Variants in CPNE8 observed in about 807,000 individuals in gnomAD.
The protein encoded by CPNE8 is copine-8.
CPNE8 carries 45 observed loss-of-function variants against 81.5 expected under a neutral mutation model. The ratio of observed to expected loss-of-function variants is 0.55; its 90% CI spans 0.44 to 0.71. The LOEUF is 0.71. Ranked by LOEUF, CPNE8 falls within the 30% of genes least tolerant of loss-of-function variation. The probability of loss-of-function intolerance (pLI) is 0.00; values close to 1 mark genes in which losing one functional copy is unlikely to be tolerated. For synonymous variants in CPNE8, 252 were observed against 226.3 expected, an observed-to-expected ratio of 1.11 and a Z score of -1.02; for missense variants, 594 against 672.1, an observed-to-expected ratio of 0.88 and a Z score of 1.28.
chr12:38,829,010 A>G (rs1299851293), intron 6 of CPNE8, among the ~76,000 whole-genome samples: 1 of 152,188 alleles, frequency 6.6e-6, no homozygotes, highest in Non-Finnish European at 1.5e-5. Flanking sequence ...TCAATAACCA[A>G]AAGTGCATTT....
At chr12:38,754,405 A>T (rs190841370) in intron 10 of CPNE8, among the ~76,000 whole-genome samples, 1 of 152,274 alleles carries the variant, frequency 6.6e-6, no homozygotes, top group African/African-American at 2.4e-5. Flanking sequence ...AAACCATTCA[A>T]GGTAGGCAGG....
chr12:38,653,865 A>AAT lies in CPNE8; in HGVS notation c.*16_*17insAT. ...GCACTTTTGATTTGTAGTTGACATT[A>AAT]GCATTTCAGAGCACAGTCATATTTG... is the stretch of plus-strand genomic sequence containing the variant. On this transcript the variant is annotated 3_prime_UTR_variant, in exon 20 of 20. Coordinates refer to ENST00000331366, the MANE Select transcript of CPNE8 (RefSeq NM_153634.3). 6.2e-7 allele frequency: 1 copy of AAT among 1,605,704 alleles called. No homozygotes were observed. Among genetic ancestry groups the AAT allele is most frequent in the East Asian group, 2.3e-5 (1 of 44,382 alleles).
At chr12:38,902,845 T>A (rs745427196) in intron 1 of CPNE8, among the ~76,000 whole-genome samples, 6 of 152,174 alleles carry the variant, frequency 3.9e-5, no homozygotes, top group Non-Finnish European at 7.4e-5. Context: ...TGAAAACATG[T>A]TTTTGTTTCA....
intron 3 of CPNE8, among the ~76,000 whole-genome samples, chr12:38,862,706 T>G (rs1781263471): frequency 6.6e-6 from 1 of 152,178 alleles, no homozygotes; most frequent in African/African-American, 2.4e-5. Context: ...CCCAGCACTT[T>G]GGGAGGCCGA....
intron 11 of CPNE8, among the ~76,000 whole-genome samples, chr12:38,727,314 C>T (rs1940726266): frequency 6.6e-6 from 1 of 152,122 alleles, no homozygotes; most frequent in Admixed American, 6.5e-5. Context: ...TGTAAACCAA[C>T]AGTTTAAAAG....
intron 1 of CPNE8, among the ~76,000 whole-genome samples, chr12:38,882,084 G>A (rs1292022430): frequency 1.3e-5 from 2 of 152,274 alleles, no homozygotes; most frequent in East Asian, 3.9e-4. Flanking sequence ...CAAATCCCTG[G>A]AACCTGTAAA....
At chr12:38,882,310 A>G (rs377554387) in intron 1 of CPNE8, among the ~76,000 whole-genome samples, 4 of 152,170 alleles carry the variant, frequency 2.6e-5, no homozygotes, top group East Asian at 1.9e-4. Context: ...AGAGTGATGC[A>G]GTCACAAGCC....
chr12:38,902,362 A>AAGAAAGAAAGAAAGAAAAGAAAG (rs1565670125), intron 1 of CPNE8, among the ~76,000 whole-genome samples: 42 of 95,252 alleles, frequency 4.4e-4, no homozygotes, highest in East Asian at 1.8e-3. Context: ...GAAAGAAAGA[A>AAGAAAGAAAGAAAGAAAAGAAAG]AGAAAGAAAG....
chr12:38,890,246 G>A (rs1944295398), intron 1 of CPNE8, among the ~76,000 whole-genome samples: 1 of 152,084 alleles, frequency 6.6e-6, no homozygotes, highest in Admixed American at 6.6e-5. Flanking sequence ...TGTAATCAGG[G>A]ATGACAACAT....
At chr12:38,848,332 A>T (rs773064431) in intron 4 of CPNE8, among the ~76,000 whole-genome samples, 64 of 152,264 alleles carry the variant, frequency 4.2e-4, no homozygotes, top group Non-Finnish European at 7.8e-4. Flanking sequence ...AAGAATGTCC[A>T]TATACACCGT....
intron 1 of CPNE8, among the ~76,000 whole-genome samples, chr12:38,892,328 G>A (rs1161143440): frequency 3.9e-5 from 6 of 152,194 alleles, no homozygotes; most frequent in Admixed American, 1.3e-4. Flanking sequence ...AAGGGGACAC[G>A]CTGAAACAGT....
rs149655627 is a variant in CPNE8 at position 38,741,601 on chromosome 12, C to T, written c.723-11243G>A. 9.2e-3 allele frequency among the ~76,000 whole-genome samples: 1,407 copies of T among 152,218 alleles called. 28 individuals carry two copies. The highest frequency in any genetic ancestry group is 0.031 in the African/African-American group (1,297 of 41,514). ...CTCTAGAAGAAAACCTAGGCAATAC[C>T]ATTCAGGACATAGGCATGGGCAAAG... On this transcript the variant is annotated intron_variant, in intron 10 of 19. Transcript: ENST00000331366.
At chr12:38,743,332 G>A (rs183773266) in intron 10 of CPNE8, among the ~76,000 whole-genome samples, 28 of 151,948 alleles carry the variant, frequency 1.8e-4, no homozygotes, top group East Asian at 3.9e-4. Context: ...TGTCAAAGTC[G>A]GTGAAATGCC....
intron 3 of CPNE8, among the ~76,000 whole-genome samples, chr12:38,861,877 T>C (rs1169692061): frequency 3.3e-5 from 5 of 151,222 alleles, no homozygotes; most frequent in Non-Finnish European, 5.9e-5. Flanking sequence ...TGAGCATTAC[T>C]TACAGAATTA....
At chr12:38,777,580 G>A (rs1441549900) in intron 6 of CPNE8, among the ~76,000 whole-genome samples, 2 of 152,100 alleles carry the variant, frequency 1.3e-5, no homozygotes, top group Non-Finnish European at 2.9e-5. Context: ...CTCACCCAGA[G>A]CAACTTCCAT....
chr12:38,761,240 T>C (rs907019685), intron 9 of CPNE8, among the ~76,000 whole-genome samples: 1 of 152,196 alleles, frequency 6.6e-6, no homozygotes, highest in Admixed American at 6.5e-5. Flanking sequence ...CAGAATCATA[T>C]GGAGCACTTG....
intron 1 of CPNE8, among the ~76,000 whole-genome samples, chr12:38,894,351 T>A (rs953871277): frequency 5.3e-5 from 8 of 152,224 alleles, no homozygotes; most frequent in Admixed American, 2.0e-4. Flanking sequence ...AAAATTTTTT[T>A]AATTTACTAA....
intron 1 of CPNE8, among the ~76,000 whole-genome samples, chr12:38,903,372 T>G (rs1944517297): frequency 1.3e-5 from 2 of 152,004 alleles, no homozygotes; most frequent in African/African-American, 4.8e-5. Flanking sequence ...AAACAAAATG[T>G]CAAAGCAATG....
intron 12 of CPNE8, 39 bp from the exon 13 acceptor site, chr12:38,723,872 G>T: frequency 8.3e-7 from 1 of 1,207,694 alleles, no homozygotes; most frequent in Non-Finnish European, 1.2e-6. Context: ...CTAGTTGTTT[G>T]TGACCCCAAA....
Sources: allele counts gnomAD v4.1 joint callset (sites outside exome capture counted in the v4.1 genomes callset), GRCh38; gene constraint gnomAD v4.1.1; transcripts MANE v1.5; gene names NCBI Gene and HGNC (gene_info 2026-07-23, HGNC 2026-07-21).